The following ASCC1 variants were observed in gnomAD, a reference collection of about 807,000 sequenced individuals.
ASCC1 encodes the protein activating signal cointegrator 1 complex subunit 1.
Under a neutral mutation model 46.6 loss-of-function variants are expected in ASCC1, and 35 were observed. The ratio of observed to expected loss-of-function variants is 0.75; its 90% CI spans 0.57 to 0.99. The LOEUF is 0.99. Ranked by LOEUF, ASCC1 falls within the 50% of genes least tolerant of loss-of-function variation. The probability of loss-of-function intolerance (pLI) is 0.00; values close to 1 mark genes in which losing one functional copy is unlikely to be tolerated. For synonymous variants in ASCC1, 143 were observed against 146.6 expected (o/e 0.98, Z 0.18); for missense variants, 376 against 428.7 (o/e 0.88, Z 1.09).
chr10:72,102,581 C>T (rs892506645), intron 9 of ASCC1, among the ~76,000 whole-genome samples: 2 of 152,122 alleles, frequency 1.3e-5, no homozygotes, highest in Non-Finnish European at 2.9e-5. Flanking sequence ...TTTGACTCTG[C>T]TTATAATGGT....
At chr10:72,201,306 C>T (rs1267346190) in intron 4 of ASCC1, among the ~76,000 whole-genome samples, 1 of 152,026 alleles carries the variant, frequency 6.6e-6, no homozygotes, top group Non-Finnish European at 1.5e-5. Flanking sequence ...TGCCACTGTC[C>T]CCAGTCAAGG....
chr10:72,171,872 T>C (rs534794817), intron 5 of ASCC1, among the ~76,000 whole-genome samples: 4 of 152,312 alleles, frequency 2.6e-5, no homozygotes, highest in African/African-American at 9.6e-5. Context: ...CTTCCCAAAA[T>C]GTTTTTTAAG....
intron 5 of ASCC1, among the ~76,000 whole-genome samples, chr10:72,172,421 A>AC: frequency 6.7e-6 from 1 of 149,006 alleles, no homozygotes; most frequent in Admixed American, 6.6e-5. Flanking sequence ...TCTCAAAAAA[A>AC]AAAAAAAAAA....
At chr10:72,201,666 A>C (rs1202280099) in intron 4 of ASCC1, among the ~76,000 whole-genome samples, 1 of 152,198 alleles carries the variant, frequency 6.6e-6, no homozygotes, top group Non-Finnish European at 1.5e-5. Context: ...AGCCTGGGCG[A>C]CATGCTCTTG....
chr10:72,131,820 T>C (rs1465700004), intron 8 of ASCC1, among the ~76,000 whole-genome samples: 3 of 150,488 alleles, frequency 2.0e-5, no homozygotes, highest in Non-Finnish European at 4.4e-5. Context: ...ACTAAAAACC[T>C]ACAAATAGTC....
At chr10:72,153,981 A>G (rs1443791262) in intron 6 of ASCC1, among the ~76,000 whole-genome samples, 1 of 152,190 alleles carries the variant, frequency 6.6e-6, no homozygotes, top group Non-Finnish European at 1.5e-5. Flanking sequence ...TTGGCCTCCC[A>G]AAGTGCTGTG....
chr10:72,109,342 G>A (rs1009391147), intron 9 of ASCC1, among the ~76,000 whole-genome samples: 6 of 152,160 alleles, frequency 3.9e-5, no homozygotes, highest in South Asian at 4.1e-4. Flanking sequence ...CAAAAGGCTT[G>A]TGTGTCCCCA....
At chr10:72,190,913 T>C (rs1049028359) in intron 5 of ASCC1, among the ~76,000 whole-genome samples, 1 of 147,544 alleles carries the variant, frequency 6.8e-6, no homozygotes, top group Non-Finnish European at 1.5e-5. Flanking sequence ...GGAGAATCGC[T>C]TGAACCCGGG....
intron 4 of ASCC1, among the ~76,000 whole-genome samples, chr10:72,198,837 A>G (rs73274987): frequency 0.14 from 21,776 of 152,054 alleles, 4,452 homozygotes; most frequent in African/African-American, 0.45. Context: ...TTTTATTTTC[A>G]AGAGAGTCTT....
At chr10:72,187,424 A>C (rs1399500324) in intron 5 of ASCC1, among the ~76,000 whole-genome samples, 1 of 152,082 alleles carries the variant, frequency 6.6e-6, no homozygotes, top group African/African-American at 2.4e-5. Flanking sequence ...TAACACAGTG[A>C]AACCCCTTCT....
At chr10:72,195,361 T>G (rs1855248831) in intron 5 of ASCC1, among the ~76,000 whole-genome samples, 1 of 151,612 alleles carries the variant, frequency 6.6e-6, no homozygotes, top group African/African-American at 2.4e-5. Context: ...GTTACCCAAG[T>G]TGGTCTCAAA....
chr10:72,165,856 T>G (rs533520997), intron 5 of ASCC1, among the ~76,000 whole-genome samples: 3 of 152,372 alleles, frequency 2.0e-5, no homozygotes, highest in African/African-American at 7.2e-5. Context: ...TATTTTAATA[T>G]GCACAACTCC....
intron 6 of ASCC1, 121 bp from the exon 7 acceptor site, chr10:72,153,109 T>C (rs1848561021): frequency 7.7e-7 from 1 of 1,297,296 alleles, no homozygotes; most frequent in Non-Finnish European, 1.1e-6. Context: ...TACAAAAACA[T>C]GGTAGTTGTG....
chr10:72,179,424 T>C (rs780843285), intron 5 of ASCC1, among the ~76,000 whole-genome samples: 1 of 152,200 alleles, frequency 6.6e-6, no homozygotes, highest in Non-Finnish European at 1.5e-5. Flanking sequence ...GTCAGTTGAT[T>C]AGCAAGCAAC....
chr10:72,131,427 A>C (rs1845577460), intron 8 of ASCC1, among the ~76,000 whole-genome samples: 1 of 126,008 alleles, frequency 7.9e-6, no homozygotes, highest in South Asian at 2.7e-4. Flanking sequence ...TTTCAAAAAA[A>C]TAAAATAAAA....
chr10:72,178,855 G>A (rs79367229), intron 5 of ASCC1, among the ~76,000 whole-genome samples: 7,508 of 152,042 alleles, frequency 0.049, 644 homozygotes, highest in African/African-American at 0.17. Context: ...AGCACTTGAC[G>A]TATTTGACAT....
chr10:72,114,587 G>A lies in ASCC1; in HGVS notation c.957+13495C>T, dbSNP rs984300226. On this transcript the variant is annotated intron_variant, in intron 9 of 9. Coordinates refer to ENST00000672957, the MANE Select transcript of ASCC1 (RefSeq NM_001198800.3). ...ATGCAGTGAACTGGATCGCACCACTGCACTCCAGCCTGGGTGACAGAGTGA... is the reference window on the plus strand; with the variant it reads ...ATGCAGTGAACTGGATCGCACCACTACACTCCAGCCTGGGTGACAGAGTGA... Among the ~76,000 whole-genome samples, 137 of 143,068 alleles carry A rather than the reference G, an allele frequency of 9.6e-4. 3 individuals are homozygous for A. Among genetic ancestry groups the A allele is most frequent in the Admixed American group, 2.9e-4 (4 of 13,726 alleles). The allele number at this position is 143,068 out of a possible 152,430, so 93.9% of individuals were successfully genotyped here.
At chr10:72,201,624 T>C (rs189871952) in intron 4 of ASCC1, among the ~76,000 whole-genome samples, 22 of 152,068 alleles carry the variant, frequency 1.4e-4, no homozygotes, top group African/African-American at 5.3e-4. Flanking sequence ...AGTTCAAGGC[T>C]ACAGTGAGCT....
chr10:72,112,610 AGTGGCTCACACCT>A (rs1327425855), intron 9 of ASCC1, among the ~76,000 whole-genome samples: 1 of 152,150 alleles, frequency 6.6e-6, no homozygotes, highest in Non-Finnish European at 1.5e-5. Context: ...GGCCGGGTGC[AGTGGCTCACACCT>A]GTAAGCACAT....
Sources: allele counts gnomAD v4.1 joint callset (sites outside exome capture counted in the v4.1 genomes callset), GRCh38; gene constraint gnomAD v4.1.1; transcripts MANE v1.5; gene names NCBI Gene and HGNC (gene_info 2026-07-23, HGNC 2026-07-21).